Variants in CSMD1 observed in about 807,000 individuals in gnomAD.
CSMD1 encodes the protein CUB and sushi domain-containing protein 1.
A neutral mutation model predicts 417.5 loss-of-function variants in CSMD1; 213 were observed. The observed-to-expected ratio is 0.51, with a 90% CI of 0.46 to 0.57. The LOEUF is 0.57. CSMD1 is among the 20% of genes least tolerant of loss of function. The pLI is 0.00. For synonymous variants in CSMD1, 2,862 were observed against 1,736.8 expected (o/e 1.65, Z -16.11); for missense variants, 6,923 against 4,529.7 (o/e 1.53, Z -15.17).
chr8:3,909,524 G>A (rs1373122175), intron 5 of CSMD1, among the ~76,000 whole-genome samples: 2 of 152,102 alleles, frequency 1.3e-5, no homozygotes, highest in African/African-American at 2.4e-5. Context: ...TTCCCACAGC[G>A]TGGTCGCTCT....
chr8:4,372,490 A>G, intron 3 of CSMD1, among the ~76,000 whole-genome samples: 1 of 147,702 alleles, frequency 6.8e-6, no homozygotes, highest in African/African-American at 2.6e-5. Flanking sequence ...TAAAACAACA[A>G]CAACAAAAAA....
chr8:3,041,334 A>T (rs2128983923), intron 50 of CSMD1, among the ~76,000 whole-genome samples: 1 of 152,296 alleles, frequency 6.6e-6, no homozygotes, highest in African/African-American at 2.4e-5. Flanking sequence ...TAGAACAAGC[A>T]AATTCTTCTA....
At chr8:4,110,096 G>T (rs913555859) in intron 3 of CSMD1, among the ~76,000 whole-genome samples, 1 of 152,092 alleles carries the variant, frequency 6.6e-6, no homozygotes, top group African/African-American at 2.4e-5. Context: ...CTTTCCTCCA[G>T]CATGGAAATA....
At chr8:4,971,016 G>C (rs897751527) in intron 1 of CSMD1, among the ~76,000 whole-genome samples, 3 of 152,040 alleles carry the variant, frequency 2.0e-5, no homozygotes, top group Non-Finnish European at 2.9e-5. Flanking sequence ...GAAAAATCTA[G>C]TTATTCCAGG....
chr8:4,335,215 T>C (rs1340541238), intron 3 of CSMD1, among the ~76,000 whole-genome samples: 1 of 152,086 alleles, frequency 6.6e-6, no homozygotes, highest in Non-Finnish European at 1.5e-5. Context: ...GGGCTCTCTT[T>C]TCTATGGATA....
chr8:4,919,001 T>C lies in CSMD1; in HGVS notation c.85+75331A>G, dbSNP rs185167730. ...GAGTTGTTTGGGCACCTAAAATACATGTACCAAAAGATAAGCCACTTAGGT... is the reference window on the plus strand; with the variant it reads ...GAGTTGTTTGGGCACCTAAAATACACGTACCAAAAGATAAGCCACTTAGGT... On this transcript the variant is annotated intron_variant, in intron 1 of 69. Transcript: ENST00000635120. Among the ~76,000 whole-genome samples, 3 of 152,338 alleles carry C rather than the reference T, an allele frequency of 2.0e-5. No individual in the cohort carries two copies. In the East Asian group the frequency reaches 5.8e-4, roughly 29 times the overall value.
intron 3 of CSMD1, among the ~76,000 whole-genome samples, chr8:4,176,405 C>G (rs1798043967): frequency 6.6e-6 from 1 of 152,010 alleles, no homozygotes; most frequent in Non-Finnish European, 1.5e-5. Context: ...TTTCCCTTTT[C>G]TCTTATTTAC....
chr8:3,596,890 G>A (rs748304), intron 8 of CSMD1, among the ~76,000 whole-genome samples: 80,574 of 152,052 alleles, frequency 0.53, 23,309 homozygotes, highest in African/African-American at 0.75. Context: ...TACAGAAGTT[G>A]GCACAATGCA....
chr8:4,132,219 G>C (rs1274823092), intron 3 of CSMD1, among the ~76,000 whole-genome samples: 1 of 143,208 alleles, frequency 7.0e-6, no homozygotes, highest in Non-Finnish European at 1.5e-5. Context: ...TTTTTTTCAC[G>C]GGGTAGTAAT....
chr8:3,118,420 A>G lies in CSMD1; in HGVS notation c.6409T>C (p.Tyr2137His), dbSNP rs758794163. Residue 2137 changes from tyrosine (Y) to histidine (H), a missense_variant, in exon 42 of 70, where the codon TAC (tyrosine) becomes CAC (histidine). Tyr to His is a moderately conservative substitution (Grantham distance 83, BLOSUM62 2). Transcript: ENST00000635120. ...TTACCATCACATCTTGGAAAAGGGT[A>G]GTTCCAGTTTCTGTTGATCCCATGC... ...CQHGINRNWNYPFPRCDAPCG... is the reference protein window; with the variant it reads ...CQHGINRNWNHPFPRCDAPCG... 2.7e-5 allele frequency: 43 copies of G among 1,613,226 alleles called. 1 individual carries two copies. The Admixed American group carries it at 6.8e-4, about 26-fold the overall frequency.
At chr8:3,480,115 T>G (rs1008812816) in intron 11 of CSMD1, among the ~76,000 whole-genome samples, 1 of 152,038 alleles carries the variant, frequency 6.6e-6, no homozygotes, top group East Asian at 1.9e-4. Flanking sequence ...TCTCAGCACT[T>G]TGGGAGGCCT....
chr8:4,958,115 TGA>T (rs1809242918), intron 1 of CSMD1, among the ~76,000 whole-genome samples: 1 of 152,102 alleles, frequency 6.6e-6, no homozygotes, highest in African/African-American at 2.4e-5. Context: ...TCAAATTCTA[TGA>T]GGTCTTTCCT....
intron 10 of CSMD1, among the ~76,000 whole-genome samples, chr8:3,518,322 C>G (rs1797365980): frequency 6.6e-6 from 1 of 152,152 alleles, no homozygotes; most frequent in Admixed American, 6.5e-5. Flanking sequence ...GCAAATTCCT[C>G]TGGAGCTTAA....
chr8:3,348,343 T>C (rs1808154837), intron 21 of CSMD1, among the ~76,000 whole-genome samples, 182 bp from the exon 22 acceptor site: 1 of 152,162 alleles, frequency 6.6e-6, no homozygotes, highest in South Asian at 2.1e-4. Flanking sequence ...CCAAAAAAGA[T>C]ACCCCACCTA....
intron 47 of CSMD1, among the ~76,000 whole-genome samples, chr8:3,096,427 C>G (rs1187947554): frequency 6.6e-6 from 1 of 152,092 alleles, no homozygotes; most frequent in Non-Finnish European, 1.5e-5. Flanking sequence ...TGGGATTTTT[C>G]CCTGCACAAG....
Position 4,289,838 on chromosome 8 carries a change from C to G in CSMD1, c.415+130115G>C, listed in dbSNP as rs559143998. Reference sequence around the variant, plus strand: ...GTTCACAAACTAATCTAATGTCTGGCTCAGAGTAGATATTCAAAGTGTATT... The same window carrying G: ...GTTCACAAACTAATCTAATGTCTGGGTCAGAGTAGATATTCAAAGTGTATT... On this transcript the variant is annotated intron_variant, in intron 3 of 69. Coordinates refer to ENST00000635120, the MANE Select transcript of CSMD1 (RefSeq NM_033225.6). Among the ~76,000 whole-genome samples, 44 of 152,224 alleles carry G rather than the reference C, an allele frequency of 2.9e-4. No homozygotes were observed. In the Middle Eastern group the frequency reaches 0.02, roughly 71 times the overall value.
At chr8:4,224,282 T>C (rs1282709037) in intron 3 of CSMD1, among the ~76,000 whole-genome samples, 1 of 152,190 alleles carries the variant, frequency 6.6e-6, no homozygotes, top group Non-Finnish European at 1.5e-5. Context: ...TCCATAATTG[T>C]GGTAAAATAT....
chr8:4,794,988 G>C (rs13251493), intron 1 of CSMD1, among the ~76,000 whole-genome samples: 46,580 of 149,854 alleles, frequency 0.31, 7,936 homozygotes, highest in Admixed American at 0.42. Flanking sequence ...AGAAAGAATG[G>C]TGCCTTAGGA....
At chr8:4,883,651 A>C (rs1803552445) in intron 1 of CSMD1, among the ~76,000 whole-genome samples, 1 of 152,214 alleles carries the variant, frequency 6.6e-6, no homozygotes, top group Non-Finnish European at 1.5e-5. Context: ...AGCATGTATT[A>C]GTACTTTATG....
Sources: allele counts gnomAD v4.1 joint callset (sites outside exome capture counted in the v4.1 genomes callset), GRCh38; gene constraint gnomAD v4.1.1; transcripts MANE v1.5; gene names NCBI Gene and HGNC (gene_info 2026-07-23, HGNC 2026-07-21).